Variants in ZNF174 observed in about 807,000 individuals in gnomAD.
The protein encoded by ZNF174 is zinc finger protein 174, also known as AW-1.
In ZNF174, 30 loss-of-function variants were observed where a neutral mutation model predicts 38.7. The observed-to-expected ratio is 0.78, with a 90% confidence interval of 0.58 to 1.05. The LOEUF is 1.05. ZNF174 is among the 50% of genes least tolerant of loss of function. ZNF174 has a pLI of 0.00. For synonymous variants in ZNF174, 201 were observed against 181.7 expected, an observed-to-expected ratio of 1.11 and a Z score of -0.86; for missense variants, 499 against 495.6, an observed-to-expected ratio of 1.01 and a Z score of -0.06.
chr16:3,406,128 T>C (rs1360911023), intron 2 of ZNF174, among the ~76,000 whole-genome samples: 2 of 152,242 alleles, frequency 1.3e-5, no homozygotes, highest in East Asian at 3.8e-4. Flanking sequence ...CTTCATTCCT[T>C]TTCTGTGGCT....
At chr16:3,404,684 C>G in intron 2 of ZNF174, 36 bp downstream of exon 2, 1 of 1,610,418 alleles carries the variant, frequency 6.2e-7, no homozygotes, top group South Asian at 1.1e-5. Context: ...TCTCATCAGC[C>G]CTTTATCTCC....
chr16:3,404,789 A>G, intron 2 of ZNF174, 141 bp downstream of exon 2: 1 of 1,525,472 alleles, frequency 6.6e-7, no homozygotes, highest in Non-Finnish European at 8.9e-7. Flanking sequence ...CACTAAACAA[A>G]TTTCACTAAT....
In ZNF174 at chr16:3,409,015, G is replaced by A; in HGVS notation, c.*96G>A. 7.6e-7 allele frequency: 1 copy of A among 1,314,766 alleles called. No homozygotes were observed. The highest frequency in any genetic ancestry group is 1.0e-6 in the Non-Finnish European group (1 of 957,592). 81.4% of individuals were successfully genotyped at this position (1,314,766 alleles called of 1,614,324 possible). ...ATCACAAAAACTGTGTGACTTACAAGGAAAGCACGAGGCCCTTGAGGAATG... is the reference window on the plus strand; with the variant it reads ...ATCACAAAAACTGTGTGACTTACAAAGAAAGCACGAGGCCCTTGAGGAATG... On this transcript the variant is annotated 3_prime_UTR_variant, in exon 3 of 3. Transcript: ENST00000268655.
chr16:3,402,229 G>C lies in ZNF174; in HGVS notation c.225G>C (p.Leu75Phe). 6.2e-7 allele frequency: 1 copy of C among 1,614,160 alleles called. No individual in the cohort carries two copies. Among genetic ancestry groups the C allele is most frequent in the South Asian group, 1.1e-5 (1 of 91,088 alleles). Residue 75 changes from leucine to phenylalanine, a missense_variant, in exon 1 of 3, where the codon TTG (leucine) becomes TTC (phenylalanine). Leu to Phe is a conservative substitution (Grantham distance 22, BLOSUM62 0). Coordinates refer to ENST00000268655, the MANE Select transcript of ZNF174 (RefSeq NM_003450.3). The stretch of plus-strand genomic sequence containing the variant: ...TCCGACAGCTCTGCCGTCAGTGGTT[G>C]CAACCCGAGCTGCACACCAAGGAGC... Reference protein sequence around the residue: ...SQLRQLCRQWLQPELHTKEQI... With the variant: ...SQLRQLCRQWFQPELHTKEQI...
chr16:3,406,503 A>T (rs1049355618), intron 2 of ZNF174, among the ~76,000 whole-genome samples: 9 of 152,144 alleles, frequency 5.9e-5, no homozygotes, highest in African/African-American at 2.2e-4. Flanking sequence ...TTTTGATTTG[A>T]GGTTTTGATT....
Position 3,402,140 on chromosome 16 carries a change from C to T in ZNF174, c.136C>T (p.Arg46Cys). The change falls in exon 1 of 3, where the codon CGC (arginine) becomes TGC (cysteine). Residue 46 changes from arginine (R) to cysteine (C), a missense_variant. Physicochemically the swap from Arg to Cys is radical, Grantham distance 180. Coordinates refer to ENST00000268655, the MANE Select transcript of ZNF174 (RefSeq NM_003450.3). ...QKNCPDPELCRQSFRRFCYQE... is the reference protein window; with the variant it reads ...QKNCPDPELCCQSFRRFCYQE... ...AAACTGCCCAGATCCTGAGCTCTGC[C>T]GCCAGAGCTTCAGACGCTTTTGTTA... 1.2e-5 allele frequency: 19 copies of T among 1,614,182 alleles called. No individual in the cohort carries two copies. The highest frequency in any genetic ancestry group is 1.5e-5 in the Non-Finnish European group (18 of 1,180,042).
At position 3,407,521 on chromosome 16, in the gene ZNF174, A is replaced by T. The variant is rs575358345; in HGVS notation, c.626-800A>T. Among the ~76,000 whole-genome samples the T allele has an allele frequency of 1.5e-3, 235 of 152,366 alleles. 1 individual carries two copies. Among genetic ancestry groups the T allele is most frequent in the African/African-American group, 5.2e-3 (215 of 41,586 alleles). On this transcript the variant is annotated intron_variant, in intron 2 of 2. Transcript: ENST00000268655. ...ATGAATTAAAATTAAAAAAAAATTTAAAATTAAGTTCCTTAGTCACAGTAG... is the reference window on the plus strand; with the variant it reads ...ATGAATTAAAATTAAAAAAAAATTTTAAATTAAGTTCCTTAGTCACAGTAG...
At chr16:3,403,944 G>T (rs1396885199) in intron 1 of ZNF174, among the ~76,000 whole-genome samples, 1 of 152,180 alleles carries the variant, frequency 6.6e-6, no homozygotes, top group Non-Finnish European at 1.5e-5. Context: ...AATGAAGGTG[G>T]GGTGGTCCTC....
chr16:3,404,941 G>A, intron 2 of ZNF174: 1 of 1,614,120 alleles, frequency 6.2e-7, no homozygotes, highest in Non-Finnish European at 8.5e-7. Flanking sequence ...TCCAAATATG[G>A]CCACAGATGA....
Position 3,408,632 on chromosome 16 carries a change from C to T in ZNF174, c.937C>T (p.His313Tyr), listed in dbSNP as rs781780537. The T allele has an allele frequency of 4.3e-6, 7 of 1,614,186 alleles. No individual in the cohort carries two copies. Among genetic ancestry groups the T allele is most frequent in the South Asian group, 1.1e-5 (1 of 91,086 alleles). The change falls in exon 3 of 3, where the codon CAT becomes TAT. Residue 313 changes from histidine (H) to tyrosine (Y), a missense_variant. Coordinates refer to ENST00000268655, the MANE Select transcript of ZNF174 (RefSeq NM_003450.3). ...ACGGAGTCTGAGCAACCGTTTGCAA[C>T]ATCTTGGTCACCAGCCCACCCGCTC... Reference protein sequence around the residue: ...GKRSLSNRLQHLGHQPTRSAK... With the variant: ...GKRSLSNRLQYLGHQPTRSAK...
rs2034021827 is a variant in ZNF174, at chr16:3,404,501, G to A, written c.478G>A (p.Asp160Asn). ...TCAGCTTGGAGAACAGGAACTGCCA[G>A]ACTTTCAACCGCAGACTCCTAGGAG... ...GSQLGEQELPDFQPQTPRRDL... is the reference protein window; with the variant it reads ...GSQLGEQELPNFQPQTPRRDL... Residue 160 changes from aspartate to asparagine, a missense_variant, in exon 2 of 3, where the codon GAC (aspartate) becomes AAC (asparagine). By Grantham distance (23) the Asp-to-Asn change is conservative. Transcript: ENST00000268655. The A allele has an allele frequency of 2.5e-6, 4 of 1,613,728 alleles. No individual in the cohort carries two copies. In the East Asian group the frequency reaches 8.9e-5, roughly 36 times the overall value.
rs1407107694 is a variant in ZNF174 at position 3,404,577 on chromosome 16, A to G, written c.554A>G (p.Asp185Gly). The change falls in exon 2 of 3, where the codon GAC becomes GGC. Residue 185 changes from aspartate (D) to glycine (G), a missense_variant. Coordinates refer to ENST00000268655, the MANE Select transcript of ZNF174 (RefSeq NM_003450.3). ...PAEPSQAGAYDRLSPHHWEKS... is the reference protein window; with the variant it reads ...PAEPSQAGAYGRLSPHHWEKS... Reference sequence around the variant, plus strand: ...GAGCCTTCCCAGGCAGGAGCTTATGACCGGCTGAGCCCCCATCATTGGGAG... The same window carrying G: ...GAGCCTTCCCAGGCAGGAGCTTATGGCCGGCTGAGCCCCCATCATTGGGAG... 2 of 1,614,192 alleles carry G rather than the reference A, an allele frequency of 1.2e-6. No homozygotes were observed. The highest frequency in any genetic ancestry group is 3.3e-5 in the Admixed American group (2 of 60,028).
chr16:3,405,133 C>A, intron 2 of ZNF174: 1 of 1,408,898 alleles, frequency 7.1e-7, no homozygotes, highest in Non-Finnish European at 9.4e-7. Flanking sequence ...TAACTGCTGG[C>A]CTTGTTCTAC....
chr16:3,402,625 A>AT (rs61045645), intron 1 of ZNF174, among the ~76,000 whole-genome samples: 6,999 of 151,398 alleles, frequency 0.046, 395 homozygotes, highest in African/African-American at 0.13. Flanking sequence ...CGCCCGGCTA[A>AT]TTTTTTGTAT....
At position 3,408,910 on chromosome 16, in the gene ZNF174, T is replaced by G. The variant is rs1439895957; in HGVS notation, c.1215T>G (p.His405Gln). ...SNLHQHHRLH[H>Q]GD Reference sequence around the variant, plus strand: ...TTCACCAGCATCACCGACTTCACCATGGGGACTAAAAGGAGCACTCCATGC... The same window carrying G: ...TTCACCAGCATCACCGACTTCACCAGGGGGACTAAAAGGAGCACTCCATGC... The change falls in exon 3 of 3, where the codon CAT (histidine) becomes CAG (glutamine). Residue 405 changes from histidine to glutamine, a missense_variant. Physicochemically the swap from His to Gln is conservative, Grantham distance 24. Coordinates refer to ENST00000268655, the MANE Select transcript of ZNF174 (RefSeq NM_003450.3). The G allele has an allele frequency of 2.5e-6, 4 of 1,607,908 alleles. No individual in the cohort carries two copies. Among genetic ancestry groups the G allele is most frequent in the Non-Finnish European group, 2.6e-6 (3 of 1,176,136 alleles).
chr16:3,402,353 A>T lies in ZNF174; in HGVS notation c.349A>T (p.Ile117Phe). 1 of 1,613,742 alleles carries T rather than the reference A, an allele frequency of 6.2e-7. No individual in the cohort carries two copies. The highest frequency in any genetic ancestry group is 1.1e-5 in the South Asian group (1 of 91,062). ...RHRCPMSSKE[I>F]VTLVEDFHRA... ...TCGATGTCCAATGAGCAGCAAGGAG[A>T]TTGTGACCCTCGTGGAAGATTTTCA... Residue 117 changes from isoleucine to phenylalanine, a missense_variant, in exon 1 of 3, where the codon ATT (isoleucine) becomes TTT (phenylalanine). Transcript: ENST00000268655.
intron 1 of ZNF174, among the ~76,000 whole-genome samples, chr16:3,402,694 G>C (rs929939675): frequency 1.3e-5 from 2 of 151,954 alleles, no homozygotes; most frequent in African/African-American, 4.8e-5. Flanking sequence ...TCCTGACCTC[G>C]TGATCCGCCC....
At chr16:3,404,765 A>G in intron 2 of ZNF174, 117 bp downstream of exon 2, 1 of 1,496,854 alleles carries the variant, frequency 6.7e-7, no homozygotes, top group Non-Finnish European at 9.1e-7. Context: ...TATATATAAT[A>G]GTAGATGATT....
intron 2 of ZNF174, 30 bp downstream of exon 2, chr16:3,404,678 A>T (rs775167593): frequency 2.5e-6 from 4 of 1,611,756 alleles, no homozygotes; most frequent in Admixed American, 3.3e-5. Flanking sequence ...TCTCCCTCTC[A>T]TCAGCCCTTT....
Sources: gnomAD v4.1 joint callset for allele counts (sites outside exome capture counted in the v4.1 genomes callset) on GRCh38, gnomAD v4.1.1 for gene constraint, MANE v1.5 for transcripts, NCBI Gene and HGNC (gene_info 2026-07-23, HGNC 2026-07-21) for gene names.